PDE4D: variants seen among roughly 807,000 people sequenced by gnomAD.
PDE4D encodes the protein phosphodiesterase 4D, also known as 3',5'-cyclic-AMP phosphodiesterase 4D.
In PDE4D, 24 loss-of-function variants were observed where a neutral mutation model predicts 87.4. The ratio of observed to expected loss-of-function variants is 0.27; its 90% CI spans 0.20 to 0.39. The LOEUF is 0.39. Among genes scored for constraint, PDE4D ranks in the 10% least tolerant of loss-of-function variants. The pLI, the probability that PDE4D is intolerant of heterozygous loss-of-function variation, is 1.00. For synonymous variants in PDE4D, 384 were observed against 383.2 expected, an observed-to-expected ratio of 1.00 and a Z score of -0.02; for missense variants, 714 against 1,041.0, an observed-to-expected ratio of 0.69 and a Z score of 4.32.
At chr5:59,539,441 G>A (rs1002114490) in intron 1 of PDE4D, among the ~76,000 whole-genome samples, 3 of 152,044 alleles carry the variant, frequency 2.0e-5, no homozygotes, top group Admixed American at 2.0e-4. Flanking sequence ...ACTTCTTTCA[G>A]TGTTGGTAAG....
chr5:60,416,741 C>A (rs762533202), intron 1 of PDE4D, among the ~76,000 whole-genome samples: 1 of 152,220 alleles, frequency 6.6e-6, no homozygotes. Context: ...CTATCATACA[C>A]TCTTCCTTCA....
At chr5:60,256,197 A>G (rs192794247) in intron 1 of PDE4D, among the ~76,000 whole-genome samples, 2 of 152,034 alleles carry the variant, frequency 1.3e-5, no homozygotes, top group East Asian at 3.9e-4. Context: ...AACTGTTGCC[A>G]GAAGTTGGTC....
At chr5:59,022,169 G>A (rs1755295590) in intron 6 of PDE4D, among the ~76,000 whole-genome samples, 2 of 152,008 alleles carry the variant, frequency 1.3e-5, no homozygotes, top group African/African-American at 4.8e-5. Flanking sequence ...ATTTACATCC[G>A]CCACTGACCT....
At chr5:59,644,387 TTG>T (rs1166212380) in intron 1 of PDE4D, among the ~76,000 whole-genome samples, 1 of 152,184 alleles carries the variant, frequency 6.6e-6, no homozygotes, top group Non-Finnish European at 1.5e-5. Flanking sequence ...GAATCCATTG[TTG>T]TCTTTTAGGA....
At position 59,523,237 on chromosome 5, in the gene PDE4D, T is replaced by C. The variant is rs533809081; in HGVS notation, c.456-307269A>G. Among the ~76,000 whole-genome samples, 154 of 152,362 alleles carry C rather than the reference T, an allele frequency of 1.0e-3. 3 individuals are homozygous for C. The South Asian group carries it at 0.027, about 27-fold the overall frequency. On this transcript the variant is annotated intron_variant, in intron 1 of 14. Transcript: ENST00000340635. ...AAAAGCAGAAGCCCTGTGGTCCACA[T>C]TGAACTTTAAAATCCTTATTAGCAT...
At chr5:59,810,293 A>C (rs1407799094) in intron 1 of PDE4D, among the ~76,000 whole-genome samples, 3 of 152,242 alleles carry the variant, frequency 2.0e-5, no homozygotes, top group African/African-American at 7.2e-5. Flanking sequence ...GTACAAGAGC[A>C]ATGACGTTCA....
At chr5:60,071,687 A>G (rs753549341) in intron 2 of PDE4D, among the ~76,000 whole-genome samples, 2 of 151,870 alleles carry the variant, frequency 1.3e-5, no homozygotes, top group Non-Finnish European at 2.9e-5. Flanking sequence ...TTATTTTGTC[A>G]CCCAGTTGCT....
intron 1 of PDE4D, among the ~76,000 whole-genome samples, chr5:59,568,357 T>C (rs1457594726): frequency 6.6e-6 from 1 of 152,096 alleles, no homozygotes; most frequent in Non-Finnish European, 1.5e-5. Flanking sequence ...AATAATTAAA[T>C]GAGGGAGAAT....
At chr5:60,418,976 C>A (rs1051340638) in intron 1 of PDE4D, among the ~76,000 whole-genome samples, 2 of 151,592 alleles carry the variant, frequency 1.3e-5, no homozygotes, top group African/African-American at 2.4e-5. Flanking sequence ...TGTAGATGTA[C>A]CATGGAGAAA....
intron 1 of PDE4D, among the ~76,000 whole-genome samples, chr5:59,876,227 A>C (rs1300474452): frequency 6.6e-6 from 1 of 152,162 alleles, no homozygotes; most frequent in Admixed American, 6.5e-5. Context: ...GATTAAGTGA[A>C]CTGTGATCTG....
intron 1 of PDE4D, among the ~76,000 whole-genome samples, chr5:60,329,749 T>G (rs2149864790): frequency 6.6e-6 from 1 of 152,270 alleles, no homozygotes; most frequent in South Asian, 2.1e-4. Flanking sequence ...CTGGGAACTC[T>G]TTACTGTGCC....
chr5:60,272,281 T>C (rs555809895), intron 1 of PDE4D, among the ~76,000 whole-genome samples: 13 of 152,352 alleles, frequency 8.5e-5, no homozygotes, highest in South Asian at 2.1e-4. Flanking sequence ...TAGTGAAACA[T>C]TGGCAAAGGC....
At chr5:58,982,893 G>A (rs754456550) in intron 11 of PDE4D, among the ~76,000 whole-genome samples, 1 of 152,160 alleles carries the variant, frequency 6.6e-6, no homozygotes, top group South Asian at 2.1e-4. Flanking sequence ...CTCTGCCAAG[G>A]TCACACTTTG....
chr5:59,111,002 C>T (rs1380226724), intron 5 of PDE4D, among the ~76,000 whole-genome samples: 2 of 152,204 alleles, frequency 1.3e-5, no homozygotes, highest in African/African-American at 4.8e-5. Flanking sequence ...TTGCTCCTGT[C>T]AATGCCTCCA....
intron 1 of PDE4D, among the ~76,000 whole-genome samples, chr5:60,505,347 T>C (rs1750276460): frequency 6.6e-6 from 1 of 152,186 alleles, no homozygotes; most frequent in African/African-American, 2.4e-5. Context: ...TTTCACCATA[T>C]CTCTTTGAGT....
intron 2 of PDE4D, among the ~76,000 whole-genome samples, chr5:60,009,371 A>G (rs903190029): frequency 1.3e-5 from 2 of 152,058 alleles, no homozygotes; most frequent in African/African-American, 2.4e-5. Context: ...TTTTCCTAAG[A>G]TTAATCAATT....
intron 6 of PDE4D, among the ~76,000 whole-genome samples, chr5:59,038,318 G>T (rs1265674401): frequency 6.6e-6 from 1 of 152,118 alleles, no homozygotes; most frequent in Non-Finnish European, 1.5e-5. Context: ...GGAAACAAAA[G>T]TAATGATCAT....
At chr5:59,584,643 A>C (rs895132242) in intron 1 of PDE4D, among the ~76,000 whole-genome samples, 5 of 152,242 alleles carry the variant, frequency 3.3e-5, no homozygotes, top group Admixed American at 6.5e-5. Flanking sequence ...GGCTAATGCA[A>C]TAAAAATAAA....
At chr5:59,427,020 C>T (rs1195718590) in intron 1 of PDE4D, among the ~76,000 whole-genome samples, 1 of 148,060 alleles carries the variant, frequency 6.8e-6, no homozygotes, top group East Asian at 2.0e-4. Flanking sequence ...CACACACACA[C>T]ACACACACAC....
Sources: allele counts gnomAD v4.1 joint callset (sites outside exome capture counted in the v4.1 genomes callset), GRCh38; gene constraint gnomAD v4.1.1; transcripts MANE v1.5; gene names NCBI Gene and HGNC (gene_info 2026-07-23, HGNC 2026-07-21).